Variants in CRYBG1 observed in about 807,000 individuals in gnomAD.
The protein encoded by CRYBG1 is beta/gamma crystallin domain-containing protein 1.
Under a neutral mutation model 189.2 loss-of-function variants are expected in CRYBG1, and 139 were observed. The ratio of observed to expected loss-of-function variants is 0.73; its 90% confidence interval spans 0.64 to 0.85. The LOEUF (loss-of-function observed/expected upper bound fraction) is 0.85. Ranked by LOEUF, CRYBG1 falls within the 40% of genes least tolerant of loss-of-function variation. The probability of loss-of-function intolerance (pLI) is 0.00; values close to 1 mark genes in which losing one functional copy is unlikely to be tolerated. For synonymous variants in CRYBG1, 1,023 were observed against 1,017.1 expected (o/e 1.01, Z -0.11); for missense variants, 2,611 against 2,675.8 (o/e 0.98, Z 0.53).
intron 21 of CRYBG1, among the ~76,000 whole-genome samples, chr6:106,568,138 G>A (rs765098849): frequency 1.8e-4 from 26 of 146,788 alleles, no homozygotes; most frequent in African/African-American, 6.8e-4. Context: ...CCTTCTCTCG[G>A]GTTTTCCCAG....
intron 1 of CRYBG1, among the ~76,000 whole-genome samples, chr6:106,365,536 G>C (rs570116482): frequency 6.6e-6 from 1 of 150,750 alleles, no homozygotes; most frequent in African/African-American, 2.4e-5. Flanking sequence ...CAGTCCTCCC[G>C]CCTTGGCCTC....
chr6:106,543,321 C>A, intron 10 of CRYBG1, 119 bp from the exon 11 acceptor site: 2 of 1,029,780 alleles, frequency 1.9e-6, no homozygotes, highest in Non-Finnish European at 2.9e-6. Context: ...TGAGCCACCG[C>A]GCCCAGTCAG....
At chr6:106,469,838 T>G (rs1344354430) in intron 2 of CRYBG1, among the ~76,000 whole-genome samples, 1 of 152,150 alleles carries the variant, frequency 6.6e-6, no homozygotes, top group Non-Finnish European at 1.5e-5. Context: ...TAGGAAGCAG[T>G]TTTGTAACCA....
intron 10 of CRYBG1, among the ~76,000 whole-genome samples, chr6:106,541,907 T>C (rs1774139091): frequency 6.6e-6 from 1 of 152,150 alleles, no homozygotes; most frequent in Non-Finnish European, 1.5e-5. Flanking sequence ...CAATTTGCAG[T>C]TGTATTTACT....
chr6:106,441,023 A>G (rs1562308099), intron 1 of CRYBG1, among the ~76,000 whole-genome samples: 1 of 152,240 alleles, frequency 6.6e-6, no homozygotes, highest in South Asian at 2.1e-4. Context: ...GGCTTATGAA[A>G]CAGGATTTAT....
intron 13 of CRYBG1, among the ~76,000 whole-genome samples, chr6:106,549,778 T>A (rs193111660): frequency 3.2e-4 from 49 of 152,276 alleles, no homozygotes; most frequent in African/African-American, 1.1e-3. Flanking sequence ...ACTGGAGATT[T>A]TGGCAGTGTT....
chr6:106,477,810 C>A (rs1057221007), intron 2 of CRYBG1, among the ~76,000 whole-genome samples: 1 of 152,330 alleles, frequency 6.6e-6, no homozygotes, highest in South Asian at 2.1e-4. Flanking sequence ...TGAGAAGGAA[C>A]CATTTTTGTG....
At chr6:106,489,787 CAAAAAAAAAAAAAA>C (rs10593320) in intron 2 of CRYBG1, among the ~76,000 whole-genome samples, 1 of 81,678 alleles carries the variant, frequency 1.2e-5, no homozygotes, top group Non-Finnish European at 2.7e-5. Flanking sequence ...ACTCTGTGTC[CAAAAAAAAAAAAAA>C]AAAAAAGAAA....
At chr6:106,400,926 G>A (rs1770708684) in intron 1 of CRYBG1, among the ~76,000 whole-genome samples, 1 of 152,152 alleles carries the variant, frequency 6.6e-6, no homozygotes, top group South Asian at 2.1e-4. Flanking sequence ...AGAAAGCAAT[G>A]TGACCAGAGC....
At chr6:106,522,663 C>T (rs574311619) in intron 4 of CRYBG1, among the ~76,000 whole-genome samples, 12 of 152,216 alleles carry the variant, frequency 7.9e-5, no homozygotes, top group African/African-American at 1.9e-4. Flanking sequence ...CCTGTGAACC[C>T]GGCTGTCTGG....
At chr6:106,536,827 C>T (rs1774014801) in intron 8 of CRYBG1, among the ~76,000 whole-genome samples, 1 of 152,126 alleles carries the variant, frequency 6.6e-6, no homozygotes, top group African/African-American at 2.4e-5. Flanking sequence ...TAAAAGATTA[C>T]CTTTAGAAAC....
intron 1 of CRYBG1, 147 bp from the exon 2 acceptor site, chr6:106,451,547 T>C (rs1771781317): frequency 3.8e-6 from 3 of 781,008 alleles, no homozygotes; most frequent in Non-Finnish European, 5.6e-6. Flanking sequence ...CCAAATTATC[T>C]ACAACGCCGT....
chr6:106,471,318 T>A (rs1772228802), intron 2 of CRYBG1, among the ~76,000 whole-genome samples: 1 of 152,216 alleles, frequency 6.6e-6, no homozygotes. Flanking sequence ...GTTTTATCTG[T>A]AAAGGAAGTA....
chr6:106,517,852 G>A (rs541501302), intron 3 of CRYBG1, among the ~76,000 whole-genome samples: 2 of 152,106 alleles, frequency 1.3e-5, no homozygotes, highest in South Asian at 2.1e-4. Context: ...AGCACATTTT[G>A]TTTCTCTGAA....
At position 106,387,664 on chromosome 6, in the gene CRYBG1, G is replaced by A. The variant is rs182786091; in HGVS notation, c.173+26583G>A. Among the ~76,000 whole-genome samples the A allele has an allele frequency of 4.1e-4, 62 of 152,216 alleles. No homozygotes were observed. The East Asian group carries it at 7.5e-3, about 18-fold the overall frequency. On this transcript the variant is annotated intron_variant, in intron 1 of 21. Transcript: ENST00000633556. Reference sequence around the variant, plus strand: ...ACCCCAGATGGATAGGTTTAACAACGGGTTAACTCAATTGGGTTGAGTGAG... The same window carrying A: ...ACCCCAGATGGATAGGTTTAACAACAGGTTAACTCAATTGGGTTGAGTGAG...
chr6:106,480,838 G>A (rs535992675), intron 2 of CRYBG1, among the ~76,000 whole-genome samples: 43 of 150,862 alleles, frequency 2.9e-4, no homozygotes, highest in African/African-American at 1.0e-3. Context: ...CAGGAAGGGT[G>A]GTGCATGCCT....
At position 106,450,618 on chromosome 6, in the gene CRYBG1, A is replaced by G. The variant is rs73761806; in HGVS notation, c.174-1076A>G. On this transcript the variant is annotated intron_variant, in intron 1 of 21. Coordinates refer to ENST00000633556, the MANE Select transcript of CRYBG1 (RefSeq NM_001371242.2). ...ATCTAACACAACAAGAACTCCAGAG[A>G]TAGGTAATTCTGCTTCTCATTTCAA... Among the ~76,000 whole-genome samples the G allele has an allele frequency of 4.8e-3, 735 of 152,312 alleles. 6 individuals carry two copies. The highest frequency in any genetic ancestry group is 0.017 in the African/African-American group (707 of 41,556).
chr6:106,490,280 A>G (rs530483535), intron 2 of CRYBG1, among the ~76,000 whole-genome samples: 1 of 152,350 alleles, frequency 6.6e-6, no homozygotes, highest in East Asian at 1.9e-4. Flanking sequence ...TGGCATAACC[A>G]TCTTTAAGCC....
chr6:106,373,081 T>C (rs147108585), intron 1 of CRYBG1, among the ~76,000 whole-genome samples: 1 of 152,340 alleles, frequency 6.6e-6, no homozygotes, highest in African/African-American at 2.4e-5. Context: ...GGTACCCATT[T>C]ACTCTCAGAG....
Sources: allele counts gnomAD v4.1 joint callset (sites outside exome capture counted in the v4.1 genomes callset), GRCh38; gene constraint gnomAD v4.1.1; transcripts MANE v1.5; gene names NCBI Gene and HGNC (gene_info 2026-07-23, HGNC 2026-07-21).